ADCY3: variants seen among roughly 807,000 people sequenced by gnomAD.
ADCY3 encodes the protein adenylate cyclase type 3.
In ADCY3, 70 loss-of-function variants were observed where a neutral mutation model predicts 119.4. The observed-to-expected ratio is 0.59, with a 90% CI of 0.48 to 0.72. The LOEUF is 0.72. ADCY3 is among the 30% of genes least tolerant of loss of function. The pLI is 0.00. For synonymous variants in ADCY3, 672 were observed against 621.4 expected, an observed-to-expected ratio of 1.08 and a Z score of -1.21; for missense variants, 1,238 against 1,541.6, an observed-to-expected ratio of 0.80 and a Z score of 3.30.
Position 24,841,720 on chromosome 2 carries a change from G to C in ADCY3, c.957-53C>G, listed in dbSNP as rs1048673630. On this transcript the variant is annotated intron_variant, in intron 4 of 21. Coordinates refer to ENST00000679454, the MANE Select transcript of ADCY3 (RefSeq NM_004036.5). This position sits in a 1 kb window ranked among gnomAD's most constrained non-coding sequence, Gnocchi z 5.8. ...ACGCTCCAGGCAGCCAGGTGTACCC[G>C]ACCCCACTGCCAGCTCCCTCTCCAA... The C allele has an allele frequency of 7.1e-7, 1 of 1,403,188 alleles. No individual in the cohort carries two copies. Among genetic ancestry groups the C allele is most frequent in the East Asian group, 2.3e-5 (1 of 43,230 alleles). 86.9% of individuals were successfully genotyped at this position (1,403,188 alleles called of 1,614,324 possible). A position where few individuals can be genotyped will look rare whatever the true frequency, so the allele number is the denominator to read the frequency against.
rs1678649746 is a variant in ADCY3 at position 24,899,352 on chromosome 2, A to G, written c.675+18961T>C. Among the ~76,000 whole-genome samples, 1 of 152,102 alleles carries G rather than the reference A, an allele frequency of 6.6e-6. No individual in the cohort carries two copies. The highest frequency in any genetic ancestry group is 1.5e-5 in the Non-Finnish European group (1 of 68,024). On this transcript the variant is annotated intron_variant, in intron 2 of 21. Transcript: ENST00000679454. The surrounding 1 kb of genome is among the most constrained non-coding windows in gnomAD (Gnocchi z 4.5). ...CTTCTTCAATCCCAATAAATAAACC[A>G]TTCTCTTGCGACCAAAGCCCATGTC...
intron 2 of ADCY3, among the ~76,000 whole-genome samples, chr2:24,912,191 T>A (rs1663776716): frequency 1.3e-5 from 2 of 151,596 alleles, no homozygotes; most frequent in South Asian, 4.2e-4. Context: ...TGGCTGGGCA[T>A]GGTGGCTCAC....
intron 2 of ADCY3, among the ~76,000 whole-genome samples, chr2:24,874,604 G>C (rs1259892250): frequency 6.6e-6 from 1 of 152,202 alleles, no homozygotes; most frequent in Non-Finnish European, 1.5e-5. Flanking sequence ...GCTTCTGTGG[G>C]CCAGGTCTTC....
Position 24,898,122 on chromosome 2 carries a change from T to C in ADCY3, c.675+20191A>G, listed in dbSNP as rs947356491. Among the ~76,000 whole-genome samples, 44 of 152,276 alleles carry C rather than the reference T, an allele frequency of 2.9e-4. No individual in the cohort carries two copies. The highest frequency in any genetic ancestry group is 4.0e-4 in the Non-Finnish European group (27 of 68,010). ...CAGAGGTTCTCCACTACCCCGTCTA[T>C]GTTCACCCCCAGACCTTTGTTCACA... On this transcript the variant is annotated intron_variant, in intron 2 of 21. Coordinates refer to ENST00000679454, the MANE Select transcript of ADCY3 (RefSeq NM_004036.5). The surrounding 1 kb of genome is among the most constrained non-coding windows in gnomAD (Gnocchi z 4.3).
At chr2:24,822,324 TTC>T in intron 19 of ADCY3, 185 bp downstream of exon 19, 2 of 799,010 alleles carry the variant, frequency 2.5e-6, no homozygotes, top group Non-Finnish European at 3.9e-6. Context: ...TGTGTGTCTG[TTC>T]TGTTTCTCTG....
intron 2 of ADCY3, among the ~76,000 whole-genome samples, chr2:24,897,063 C>G (rs1289819809): frequency 6.6e-6 from 1 of 152,150 alleles, no homozygotes; most frequent in Non-Finnish European, 1.5e-5. Context: ...CGACTGGAAG[C>G]AGAAGTCTCA....
intron 2 of ADCY3, among the ~76,000 whole-genome samples, chr2:24,910,661 C>CTTTTTTTTTTTTTT (rs59644324): frequency 7.6e-6 from 1 of 131,456 alleles, no homozygotes; most frequent in Non-Finnish European, 1.6e-5. Flanking sequence ...CTTTTCTTTT[C>CTTTTTTTTTTTTTT]TTTTTTTTTT....
rs1257960183 is a variant in ADCY3, at chr2:24,834,601, G to T, written c.1851C>A (p.Asp617Glu). 8 of 1,614,130 alleles carry T rather than the reference G, an allele frequency of 5.0e-6. No individual in the cohort carries two copies. The highest frequency in any genetic ancestry group is 1.7e-6 in the Non-Finnish European group (2 of 1,180,030). Residue 617 changes from aspartate to glutamate, a missense_variant, in exon 11 of 22, where the codon GAC becomes GAA. Transcript: ENST00000679454. This position sits in a 1 kb window ranked among gnomAD's most constrained non-coding sequence, Gnocchi z 4.2. ...CCGAGTAGCGGGTTTCCATCTCGGGGTCCATGAACCGCATGGACAAGAGGA... is the reference window on the plus strand; with the variant it reads ...CCGAGTAGCGGGTTTCCATCTCGGGTTCCATGAACCGCATGGACAAGAGGA... ...NTFLLSMRFM[D>E]PEMETRYSVE...
intron 20 of ADCY3, chr2:24,821,079 G>C (rs1001696524): frequency 3.5e-6 from 2 of 573,096 alleles, no homozygotes; most frequent in East Asian, 6.5e-5. Flanking sequence ...TACTCGGCAT[G>C]GTAGTGGCCA....
At chr2:24,821,118 T>C in intron 20 of ADCY3, 1 of 468,644 alleles carries the variant, frequency 2.1e-6, no homozygotes, top group South Asian at 2.8e-5. Context: ...ATTTCAAGTC[T>C]CCTGGGACCT....
chr2:24,850,103 C>T (rs1371047061), intron 3 of ADCY3, among the ~76,000 whole-genome samples: 1 of 151,982 alleles, frequency 6.6e-6, no homozygotes, highest in South Asian at 2.1e-4. Flanking sequence ...CTCCCCACAC[C>T]TTCGACACCC....
intron 3 of ADCY3, among the ~76,000 whole-genome samples, chr2:24,843,111 G>A (rs140184250): frequency 8.3e-4 from 127 of 152,358 alleles, no homozygotes; most frequent in African/African-American, 3.0e-3. Flanking sequence ...ACAGACACAC[G>A]CAAAGCGCAC....
chr2:24,859,760 C>T (rs916486), intron 3 of ADCY3, among the ~76,000 whole-genome samples: 20 of 152,056 alleles, frequency 1.3e-4, no homozygotes, highest in African/African-American at 4.6e-4. Context: ...TGACCCTGCA[C>T]GTGGGTTAAA....
chr2:24,875,364 C>T lies in ADCY3; in HGVS notation c.676-2645G>A, dbSNP rs1330815748. Among the ~76,000 whole-genome samples the T allele has an allele frequency of 2.6e-5, 4 of 152,362 alleles. No individual in the cohort carries two copies. The East Asian group carries it at 7.7e-4, about 29-fold the overall frequency. ...ACCCCCAACCTCCCCCACCCCACCCCCCGTGGGTGTAGCTGATGGGAGGCT... is the reference window on the plus strand; with the variant it reads ...ACCCCCAACCTCCCCCACCCCACCCTCCGTGGGTGTAGCTGATGGGAGGCT... On this transcript the variant is annotated intron_variant, in intron 2 of 21. Transcript: ENST00000679454.
At position 24,823,362 on chromosome 2, in the gene ADCY3, A is replaced by G; in HGVS notation, c.2737-7T>C. On this transcript the variant is annotated splice_region_variant and splice_polypyrimidine_tract_variant and intron_variant, in intron 17 of 21. Coordinates refer to ENST00000679454, the MANE Select transcript of ADCY3 (RefSeq NM_004036.5). ...ACGTCTGGCTATACAGCTCCTAAAA[A>G]GAGGTGCGGACAACGTGCTCAAAGC... is the stretch of plus-strand genomic sequence containing the variant. 1 of 1,610,486 alleles carries G rather than the reference A, an allele frequency of 6.2e-7. No individual in the cohort carries two copies. Among genetic ancestry groups the G allele is most frequent in the South Asian group, 1.1e-5 (1 of 90,380 alleles).
intron 3 of ADCY3, among the ~76,000 whole-genome samples, chr2:24,853,056 G>GTC (rs1672568934): frequency 8.7e-6 from 1 of 114,566 alleles, no homozygotes; most frequent in Non-Finnish European, 1.9e-5. Context: ...GTGTGTGTGT[G>GTC]TGTGTGTGTG....
chr2:24,820,343 T>G, intron 21 of ADCY3: 1 of 1,335,476 alleles, frequency 7.5e-7, no homozygotes, highest in Non-Finnish European at 9.5e-7. Context: ...GAGACTTCTC[T>G]CCTAGGATGG....
chr2:24,849,809 C>G (rs780367533), intron 3 of ADCY3, among the ~76,000 whole-genome samples: 8 of 152,130 alleles, frequency 5.3e-5, no homozygotes, highest in Non-Finnish European at 7.4e-5. Flanking sequence ...CCCCCTGCCA[C>G]CCCCCAAGCC....
intron 20 of ADCY3, chr2:24,821,052 C>G (rs372000083): frequency 3.2e-5 from 21 of 658,458 alleles, no homozygotes; most frequent in Admixed American, 9.6e-5. Context: ...CCGCCACCCC[C>G]CCCCCATATG....
Sources: gnomAD v4.1 joint callset for allele counts (sites outside exome capture counted in the v4.1 genomes callset) on GRCh38, gnomAD v4.1.1 for gene constraint, Gnocchi (gnomAD v3.1) non-coding constraint, MANE v1.5 for transcripts, NCBI Gene and HGNC (gene_info 2026-07-23, HGNC 2026-07-21) for gene names.